Variants in PDE9A observed in about 807,000 individuals in gnomAD.
PDE9A encodes the protein phosphodiesterase 9A, also known as high affinity cGMP-specific 3',5'-cyclic phosphodiesterase 9A.
In PDE9A, 60 loss-of-function variants were observed where a neutral mutation model predicts 87.4. That is an observed-to-expected ratio of 0.69 (90% CI 0.56 to 0.85). The LOEUF (loss-of-function observed/expected upper bound fraction) is 0.85. Ranked by LOEUF, PDE9A falls within the 40% of genes least tolerant of loss-of-function variation. The probability of loss-of-function intolerance (pLI) is 0.00; values close to 1 mark genes in which losing one functional copy is unlikely to be tolerated. For synonymous variants in PDE9A, 272 were observed against 279.4 expected (o/e 0.97, Z 0.27); for missense variants, 665 against 779.0 (o/e 0.85, Z 1.74).
At chr21:42,689,905 G>T in intron 3 of PDE9A, 1 of 951,736 alleles carries the variant, frequency 1.1e-6, no homozygotes, top group Non-Finnish European at 1.3e-6. Flanking sequence ...GAGGATACAG[G>T]CGAAGAAGAT....
At chr21:42,751,020 C>A (rs963420139) in intron 8 of PDE9A, 96 bp from the exon 9 acceptor site, 3 of 829,660 alleles carry the variant, frequency 3.6e-6, no homozygotes, top group Non-Finnish European at 6.4e-6. Flanking sequence ...CCACACGGGG[C>A]TTGGGGGTTG....
chr21:42,685,756 C>A (rs62215395), intron 1 of PDE9A, among the ~76,000 whole-genome samples: 16,651 of 152,230 alleles, frequency 0.11, 1,177 homozygotes, highest in Middle Eastern at 0.19. Flanking sequence ...GCGTGAGCCA[C>A]CGCGCCCGGC....
At chr21:42,751,534 C>G (rs983903873) in intron 9 of PDE9A, among the ~76,000 whole-genome samples, 1 of 152,168 alleles carries the variant, frequency 6.6e-6, no homozygotes, top group African/African-American at 2.4e-5. Context: ...TTTAAAAATC[C>G]ATTCCATTGG....
Position 42,743,868 on chromosome 21 carries a change from C to T in PDE9A, c.653+8C>T. ...GGCGGCCAGAAGCAGCAGGTAGGGT[C>T]TGCGCTGGGGCCACGGGCGGCCGGG... On this transcript the variant is annotated splice_region_variant and intron_variant, in intron 8 of 19. Coordinates refer to ENST00000291539, the MANE Select transcript of PDE9A (RefSeq NM_002606.3). 1 of 1,549,368 alleles carries T rather than the reference C, an allele frequency of 6.5e-7. No individual in the cohort carries two copies.
chr21:42,654,090 G>GGGGGC (rs2056862528), intron 1 of PDE9A, among the ~76,000 whole-genome samples: 1 of 144,192 alleles, frequency 6.9e-6, no homozygotes, highest in African/African-American at 2.6e-5. Context: ...GGGTGGGGGG[G>GGGGGC]CGGGCTAGTG....
At chr21:42,769,712 A>C (rs973350558) in intron 17 of PDE9A, among the ~76,000 whole-genome samples, 1 of 149,878 alleles carries the variant, frequency 6.7e-6, no homozygotes. Flanking sequence ...GCACACAGGT[A>C]CACGCAGGCA....
At chr21:42,663,997 C>T (rs925745173) in intron 1 of PDE9A, among the ~76,000 whole-genome samples, 1 of 152,186 alleles carries the variant, frequency 6.6e-6, no homozygotes, top group Non-Finnish European at 1.5e-5. Flanking sequence ...TGTGGTGAGT[C>T]CACCATGTGT....
rs753316206 is a variant in PDE9A, at chr21:42,770,713, T to C, written c.1601T>C (p.Met534Thr). The C allele has an allele frequency of 5.6e-6, 9 of 1,611,786 alleles. No homozygotes were observed. The highest frequency in any genetic ancestry group is 1.7e-4 in the Middle Eastern group (1 of 6,058). ...MFETVTKLFP[M>T]VEEIMLQPLW... ...GTGTGTCTCTCCCAGCTCTTCCCCA[T>C]GGTTGAGGAGATCATGCTGCAGCCA... The change falls in exon 18 of 20, where the codon ATG becomes ACG. Residue 534 changes from methionine to threonine, a missense_variant. Physicochemically the swap from Met to Thr is moderately conservative, Grantham distance 81. Transcript: ENST00000291539.
chr21:42,714,699 C>G (rs527941888), intron 4 of PDE9A, among the ~76,000 whole-genome samples: 7 of 147,684 alleles, frequency 4.7e-5, no homozygotes, highest in African/African-American at 1.8e-4. Context: ...GTTAGCTCTA[C>G]CAGTCTTTGT....
intron 4 of PDE9A, among the ~76,000 whole-genome samples, chr21:42,709,283 C>T (rs1602187630): frequency 6.6e-6 from 1 of 152,188 alleles, no homozygotes; most frequent in East Asian, 1.9e-4. Context: ...AGGGGAATAA[C>T]ACACACTGGG....
At chr21:42,711,258 GT>G (rs35475222) in intron 4 of PDE9A, among the ~76,000 whole-genome samples, 4,002 of 136,420 alleles carry the variant, frequency 0.029, 152 homozygotes, top group African/African-American at 0.096. Context: ...AATAAGTTTT[GT>G]TTTTTTTTTT....
At chr21:42,724,562 A>T (rs2050847127) in intron 4 of PDE9A, 1 of 985,022 alleles carries the variant, frequency 1.0e-6, no homozygotes, top group African/African-American at 1.7e-5. Flanking sequence ...CCAGCAAAAG[A>T]ATGCAGATTT....
intron 1 of PDE9A, among the ~76,000 whole-genome samples, chr21:42,661,459 G>A (rs1388419345): frequency 6.8e-6 from 1 of 148,112 alleles, no homozygotes; most frequent in African/African-American, 2.5e-5. Flanking sequence ...TGCTGAGTGC[G>A]GGGACCTCAC....
At chr21:42,756,962 C>T (rs944403170) in intron 10 of PDE9A, 1 of 152,410 alleles carries the variant, frequency 6.6e-6, no homozygotes, top group African/African-American at 2.4e-5. Flanking sequence ...ATCTGCCTTT[C>T]AGGACTGCCT....
Position 42,740,501 on chromosome 21 carries a change from A to T in PDE9A, c.569-3275A>T, listed in dbSNP as rs147767003. ...GTAGATACATAGAATGGGTGGATAG[A>T]GAGATAGAACGGATAGAAAAATAGG... On this transcript the variant is annotated intron_variant, in intron 7 of 19. Coordinates refer to ENST00000291539, the MANE Select transcript of PDE9A (RefSeq NM_002606.3). 3.0e-3 allele frequency among the ~76,000 whole-genome samples: 457 copies of T among 152,142 alleles called. 1 individual carries two copies. The highest frequency in any genetic ancestry group is 0.01 in the African/African-American group (418 of 41,502).
At chr21:42,725,393 T>C (rs2050931517) in intron 4 of PDE9A, among the ~76,000 whole-genome samples, 1 of 152,062 alleles carries the variant, frequency 6.6e-6, no homozygotes, top group African/African-American at 2.4e-5. Context: ...GCATGCACCA[T>C]CATGCCTGGC....
rs772073925 is a variant in PDE9A at position 42,687,920 on chromosome 21, C to G, written c.144C>G (p.Asn48Lys). ...CGGGCTTGGGTGTGTTTTCCAGGAA[C>G]ACGACCATCTCCCTGCTGACCACCG... Reference protein sequence around the residue: ...LFCIATGLPRNTTISLLTTDD... With the variant: ...LFCIATGLPRKTTISLLTTDD... Residue 48 changes from asparagine (N) to lysine (K), a missense_variant, in exon 3 of 20, where the codon AAC (asparagine) becomes AAG (lysine). Transcript: ENST00000291539. 13 of 1,612,968 alleles carry G rather than the reference C, an allele frequency of 8.1e-6. No homozygotes were observed. Among genetic ancestry groups the G allele is most frequent in the Non-Finnish European group, 1.7e-6 (2 of 1,179,868 alleles).
rs61523493 is a variant in PDE9A, at chr21:42,717,900, G to GGGTTTTTTGTTTGTTT, written c.263-13869_263-13868insGTTTTTTGTTTGTTTG. ...TTTCTTCTCTGGCTGCTTTCTTTGGGGTTTGTTTGTTTGTTTGTTTGTTTT... is the reference window on the plus strand; with the variant it reads ...TTTCTTCTCTGGCTGCTTTCTTTGGGGGTTTTTTGTTTGTTTGTTTGTTTGTTTGTTTGTTTGTTTT... On this transcript the variant is annotated intron_variant, in intron 4 of 19. Coordinates refer to ENST00000291539, the MANE Select transcript of PDE9A (RefSeq NM_002606.3). 6.5e-3 allele frequency among the ~76,000 whole-genome samples: 985 copies of GGGTTTTTTGTTTGTTT among 150,896 alleles called. 20 individuals carry two copies. Among genetic ancestry groups the GGGTTTTTTGTTTGTTT allele is most frequent in the African/African-American group, 0.019 (777 of 41,200 alleles).
Position 42,759,449 on chromosome 21 carries a change from G to A in PDE9A, c.897+364G>A, listed in dbSNP as rs1306437822. Among the ~76,000 whole-genome samples the A allele has an allele frequency of 6.6e-6, 1 of 150,388 alleles. No individual in the cohort carries two copies. The highest frequency in any genetic ancestry group is 1.5e-5 in the Non-Finnish European group (1 of 67,556). On this transcript the variant is annotated intron_variant, in intron 11 of 19. Coordinates refer to ENST00000291539, the MANE Select transcript of PDE9A (RefSeq NM_002606.3). This position sits in a 1 kb window ranked among gnomAD's most constrained non-coding sequence, Gnocchi z 7.2. ...TATGGGGGTGTGGATGTGAGTGTGT[G>A]TGAGTGTGGGGTGTGGATGTGAGCA...
Sources: gnomAD v4.1 joint callset for allele counts (sites outside exome capture counted in the v4.1 genomes callset) on GRCh38, gnomAD v4.1.1 for gene constraint, Gnocchi (gnomAD v3.1) non-coding constraint, MANE v1.5 for transcripts, NCBI Gene and HGNC (gene_info 2026-07-23, HGNC 2026-07-21) for gene names.